TMEM132D: variants seen among roughly 807,000 people sequenced by gnomAD.
TMEM132D encodes the protein transmembrane protein 132D.
TMEM132D carries 21 observed loss-of-function variants against 62.3 expected under a neutral mutation model. That is an observed-to-expected ratio of 0.34 (90% CI 0.24 to 0.49). The LOEUF is 0.49. Ranked by LOEUF, TMEM132D falls within the 20% of genes least tolerant of loss-of-function variation. The pLI is 0.99. For missense variants in TMEM132D, 1,346 were observed against 1,402.8 expected (o/e 0.96, Z 0.65); for synonymous variants, 621 against 575.6 (o/e 1.08, Z -1.13).
chr12:129,603,832 G>A (rs1878545394), intron 2 of TMEM132D, among the ~76,000 whole-genome samples: 2 of 152,134 alleles, frequency 1.3e-5, no homozygotes, highest in Admixed American at 6.5e-5. Context: ...TATACCCAAA[G>A]GACTATAAAT....
At chr12:129,651,161 G>A (rs1879918301) in intron 2 of TMEM132D, among the ~76,000 whole-genome samples, 1 of 152,188 alleles carries the variant, frequency 6.6e-6, no homozygotes, top group South Asian at 2.1e-4. Context: ...GTTTGTGTGT[G>A]TGATCATTTT....
At chr12:129,887,632 C>G (rs1224298854) in intron 1 of TMEM132D, among the ~76,000 whole-genome samples, 2 of 152,126 alleles carry the variant, frequency 1.3e-5, no homozygotes, top group East Asian at 3.9e-4. Context: ...TTTCCTTTTC[C>G]TATCAAAAAT....
chr12:129,288,300 C>T (rs1189403168), intron 4 of TMEM132D, among the ~76,000 whole-genome samples: 2 of 151,992 alleles, frequency 1.3e-5, no homozygotes, highest in East Asian at 1.9e-4. Context: ...AGGAAGAAGG[C>T]AATCTATGAA....
At chr12:129,599,234 T>C (rs192392882) in intron 2 of TMEM132D, among the ~76,000 whole-genome samples, 1 of 152,308 alleles carries the variant, frequency 6.6e-6, no homozygotes, top group Non-Finnish European at 1.5e-5. Flanking sequence ...AACCAATAAA[T>C]TCCCCATTTT....
chr12:129,572,949 G>C (rs1328620776), intron 2 of TMEM132D, among the ~76,000 whole-genome samples: 2 of 152,164 alleles, frequency 1.3e-5, no homozygotes, highest in African/African-American at 4.8e-5. Flanking sequence ...ACTTCATTGA[G>C]AACTGTTGTT....
chr12:129,718,086 A>G (rs1413448069), intron 1 of TMEM132D, among the ~76,000 whole-genome samples: 1 of 152,252 alleles, frequency 6.6e-6, no homozygotes, highest in African/African-American at 2.4e-5. Flanking sequence ...GAGCAGCTCC[A>G]GGTTGATCCC....
Position 129,531,146 on chromosome 12 carries a change from C to T in TMEM132D, c.1028G>A (p.Trp343Ter). 6.2e-7 allele frequency: 1 copy of T among 1,613,880 alleles called. No individual in the cohort carries two copies. Among genetic ancestry groups the T allele is most frequent in the Non-Finnish European group, 8.5e-7 (1 of 1,179,908 alleles). The change falls in exon 3 of 9, where the codon TGG becomes TAG. Residue 343 changes from tryptophan to a stop codon, truncating the protein, a stop_gained. Transcript: ENST00000422113. LOFTEE classifies it high-confidence loss of function. ...IGVRASSPSI[W>*]DVKERTDYTG... Reference sequence around the variant, plus strand: ...ATAATCCGTGCGCTCCTTGACATCCCAAATGGAAGGGCTGCTGGCTCGCAC... The same window carrying T: ...ATAATCCGTGCGCTCCTTGACATCCTAAATGGAAGGGCTGCTGGCTCGCAC...
intron 3 of TMEM132D, among the ~76,000 whole-genome samples, chr12:129,421,073 T>C (rs995728827): frequency 6.6e-6 from 1 of 151,510 alleles, no homozygotes; most frequent in Non-Finnish European, 1.5e-5. Context: ...GAGATTCTCC[T>C]GCCTCAGCCT....
chr12:129,878,886 A>G (rs1874512568), intron 1 of TMEM132D, among the ~76,000 whole-genome samples: 1 of 152,080 alleles, frequency 6.6e-6, no homozygotes, highest in South Asian at 2.1e-4. Context: ...TGCTTCTTGG[A>G]AGCACCTGCA....
intron 2 of TMEM132D, among the ~76,000 whole-genome samples, chr12:129,602,351 T>G (rs1170124434): frequency 6.6e-6 from 1 of 152,146 alleles, no homozygotes; most frequent in Admixed American, 6.6e-5. Flanking sequence ...TAGCTATCCG[T>G]GAGCTCACTG....
chr12:129,115,411 G>T (rs1875864469), intron 5 of TMEM132D, among the ~76,000 whole-genome samples: 1 of 152,140 alleles, frequency 6.6e-6, no homozygotes, highest in South Asian at 2.1e-4. Flanking sequence ...TGGGATGGAG[G>T]TCGGGTCTAG....
At chr12:129,294,616 C>G (rs1191382168) in intron 4 of TMEM132D, among the ~76,000 whole-genome samples, 1 of 152,162 alleles carries the variant, frequency 6.6e-6, no homozygotes, top group Non-Finnish European at 1.5e-5. Context: ...TCCGTGGAGT[C>G]TAAAATGTTT....
chr12:129,700,803 C>T (rs1488459241), intron 1 of TMEM132D, 105 bp from the exon 2 acceptor site: 62 of 1,302,660 alleles, frequency 4.8e-5, no homozygotes, highest in Non-Finnish European at 5.6e-5. Flanking sequence ...CCTGTCTTCG[C>T]GCCAATTATG....
At chr12:129,646,355 G>T (rs1047742022) in intron 2 of TMEM132D, among the ~76,000 whole-genome samples, 4 of 152,148 alleles carry the variant, frequency 2.6e-5, no homozygotes, top group African/African-American at 9.7e-5. Flanking sequence ...CTAAGGCAAT[G>T]CTGGTAGGAA....
chr12:129,632,633 C>T (rs895478063), intron 2 of TMEM132D, among the ~76,000 whole-genome samples: 2 of 152,166 alleles, frequency 1.3e-5, no homozygotes. Flanking sequence ...GTCCCTCCCT[C>T]GAGGCCACTC....
At chr12:129,692,095 C>T (rs1881076857) in intron 2 of TMEM132D, among the ~76,000 whole-genome samples, 1 of 152,000 alleles carries the variant, frequency 6.6e-6, no homozygotes, top group Non-Finnish European at 1.5e-5. Flanking sequence ...GATGTTCTAA[C>T]CGTATTACCA....
intron 2 of TMEM132D, among the ~76,000 whole-genome samples, chr12:129,651,157 G>C (rs759372120): frequency 6.6e-6 from 1 of 152,186 alleles, no homozygotes; most frequent in African/African-American, 2.4e-5. Context: ...GTGTGTTTGT[G>C]TGTGTGATCA....
At chr12:129,657,272 G>A (rs1880111721) in intron 2 of TMEM132D, among the ~76,000 whole-genome samples, 1 of 152,224 alleles carries the variant, frequency 6.6e-6, no homozygotes, top group Non-Finnish European at 1.5e-5. Context: ...CCCAAGTACA[G>A]CCCCAGAGGC....
At chr12:129,874,791 T>G (rs1593195094) in intron 1 of TMEM132D, among the ~76,000 whole-genome samples, 1 of 143,050 alleles carries the variant, frequency 7.0e-6, no homozygotes, top group East Asian at 2.2e-4. Context: ...AAATTCCACC[T>G]CCCGGTTCAA....
Sources: allele counts gnomAD v4.1 joint callset (sites outside exome capture counted in the v4.1 genomes callset), GRCh38; gene constraint gnomAD v4.1.1; transcripts MANE v1.5; gene names NCBI Gene and HGNC (gene_info 2026-07-23, HGNC 2026-07-21).